The following RBFOX1 variants were observed in gnomAD, a reference collection of about 807,000 sequenced individuals.
RBFOX1 encodes the protein RNA binding protein fox-1 homolog 1.
RBFOX1 carries 8 observed loss-of-function variants against 57.7 expected under a neutral mutation model. The ratio of observed to expected loss-of-function variants is 0.14; its 90% confidence interval spans 0.08 to 0.25. The LOEUF is 0.25. Among genes scored for constraint, RBFOX1 ranks in the 10% least tolerant of loss-of-function variants. The probability of loss-of-function intolerance (pLI) is 1.00; values close to 1 mark genes in which losing one functional copy is unlikely to be tolerated. For missense variants in RBFOX1, 611 were observed against 548.5 expected (o/e 1.11, Z -1.14); for synonymous variants, 326 against 222.4 (o/e 1.47, Z -4.15).
chr16:7,703,431 C>T (rs996519267), intron 14 of RBFOX1, among the ~76,000 whole-genome samples: 4 of 150,470 alleles, frequency 2.7e-5, no homozygotes, highest in African/African-American at 1.0e-4. Flanking sequence ...CTTTCTGCTC[C>T]ACAGGATTCA....
chr16:6,368,103 C>T (rs141505953), intron 2 of RBFOX1, among the ~76,000 whole-genome samples: 21 of 152,316 alleles, frequency 1.4e-4, no homozygotes, highest in African/African-American at 2.2e-4. Flanking sequence ...TACCCTTCCT[C>T]TTCTTCTCTT....
intron 2 of RBFOX1, among the ~76,000 whole-genome samples, chr16:6,481,582 A>G (rs936012829): frequency 6.6e-6 from 1 of 152,184 alleles, no homozygotes. Context: ...ATAATACTCT[A>G]TATTTGTGAA....
chr16:6,446,076 C>A (rs1041620947), intron 2 of RBFOX1, among the ~76,000 whole-genome samples: 4 of 152,106 alleles, frequency 2.6e-5, no homozygotes, highest in African/African-American at 7.2e-5. Context: ...GCAATCCTCC[C>A]ACCTCAACCT....
At chr16:6,059,043 A>G (rs2095652244) in intron 1 of RBFOX1, among the ~76,000 whole-genome samples, 1 of 152,176 alleles carries the variant, frequency 6.6e-6, no homozygotes, top group Non-Finnish European at 1.5e-5. Context: ...AGCAAACACC[A>G]CCACATGCAC....
chr16:6,738,416 A>G (rs1212654667), intron 3 of RBFOX1, among the ~76,000 whole-genome samples: 1 of 152,164 alleles, frequency 6.6e-6, no homozygotes, highest in East Asian at 1.9e-4. Flanking sequence ...AGTGGAGAGT[A>G]GGAGCCCAGG....
chr16:7,382,982 T>A (rs752914560), intron 4 of RBFOX1, among the ~76,000 whole-genome samples: 1 of 152,118 alleles, frequency 6.6e-6, no homozygotes, highest in Non-Finnish European at 1.5e-5. Flanking sequence ...ATCTAGCCAA[T>A]GAGCTGTTCA....
At chr16:7,531,361 C>G (rs1403574406) in intron 5 of RBFOX1, among the ~76,000 whole-genome samples, 3 of 152,008 alleles carry the variant, frequency 2.0e-5, no homozygotes, top group African/African-American at 4.8e-5. Flanking sequence ...TACTGGGTAC[C>G]CAGTGGAAAT....
chr16:7,689,647 G>C (rs1402872560), intron 14 of RBFOX1, among the ~76,000 whole-genome samples: 1 of 152,090 alleles, frequency 6.6e-6, no homozygotes, highest in Non-Finnish European at 1.5e-5. Context: ...TGGAGTGGAA[G>C]AGAGGTAGAA....
intron 4 of RBFOX1, among the ~76,000 whole-genome samples, chr16:7,315,624 C>T (rs910660352): frequency 6.8e-6 from 1 of 146,352 alleles, no homozygotes; most frequent in African/African-American, 2.5e-5. Flanking sequence ...TCTTTTATAG[C>T]CTTCCTGAAA....
intron 3 of RBFOX1, among the ~76,000 whole-genome samples, chr16:6,869,150 G>A (rs1386623991): frequency 6.6e-6 from 1 of 152,102 alleles, no homozygotes; most frequent in Non-Finnish European, 1.5e-5. Context: ...CTTGCCTCTT[G>A]CTTACCTGTC....
At chr16:5,406,799 C>A (rs1032531867) in intron 1 of RBFOX1, among the ~76,000 whole-genome samples, 5 of 152,190 alleles carry the variant, frequency 3.3e-5, no homozygotes, top group African/African-American at 1.2e-4. Context: ...CTCATGAATA[C>A]AATTCAGTAG....
intron 2 of RBFOX1, among the ~76,000 whole-genome samples, chr16:5,524,925 A>G (rs984869943): frequency 1.3e-5 from 2 of 152,032 alleles, no homozygotes; most frequent in African/African-American, 4.8e-5. Flanking sequence ...GTCCCCCACC[A>G]TACCCTCACC....
chr16:6,580,525 A>G (rs901348085), intron 2 of RBFOX1, among the ~76,000 whole-genome samples: 3 of 152,206 alleles, frequency 2.0e-5, no homozygotes, highest in Admixed American at 6.5e-5. Context: ...TCCTCTTCAT[A>G]AACATACAAA....
chr16:6,742,122 A>G (rs950756434), intron 3 of RBFOX1, among the ~76,000 whole-genome samples: 1 of 152,188 alleles, frequency 6.6e-6, no homozygotes, highest in Non-Finnish European at 1.5e-5. Context: ...ATTATTGTCA[A>G]TTTTAAAATG....
At chr16:7,540,817 G>C (rs564104579) in intron 5 of RBFOX1, among the ~76,000 whole-genome samples, 11 of 152,184 alleles carry the variant, frequency 7.2e-5, no homozygotes, top group Admixed American at 5.2e-4. Flanking sequence ...CTGTTTTGCA[G>C]ATTTAAGAAA....
chr16:6,700,199 G>T (rs1382255213), intron 3 of RBFOX1, among the ~76,000 whole-genome samples: 1 of 152,134 alleles, frequency 6.6e-6, no homozygotes, highest in Non-Finnish European at 1.5e-5. Flanking sequence ...TTTTCACCCA[G>T]AGAGGAACGT....
At chr16:5,434,234 A>G (rs2067843850) in intron 1 of RBFOX1, among the ~76,000 whole-genome samples, 1 of 151,398 alleles carries the variant, frequency 6.6e-6, no homozygotes, top group Admixed American at 6.6e-5. Context: ...GGCCTTAGCA[A>G]AATGAGGCCT....
At chr16:6,421,964 A>C (rs1597014915) in intron 2 of RBFOX1, among the ~76,000 whole-genome samples, 3 of 95,138 alleles carry the variant, frequency 3.2e-5, no homozygotes, top group African/African-American at 8.6e-5. Context: ...TCCGTTGCCC[A>C]CCCTGGAGTG....
At chr16:7,380,225 A>G (rs1349043908) in intron 4 of RBFOX1, among the ~76,000 whole-genome samples, 2 of 152,160 alleles carry the variant, frequency 1.3e-5, no homozygotes, top group African/African-American at 4.8e-5. Flanking sequence ...AGAGTCAGAA[A>G]TGCTCAGAGT....
Sources: allele counts gnomAD v4.1 joint callset (sites outside exome capture counted in the v4.1 genomes callset), GRCh38; gene constraint gnomAD v4.1.1; transcripts MANE v1.5; gene names NCBI Gene and HGNC (gene_info 2026-07-23, HGNC 2026-07-21).